SGCZ: variants seen among roughly 807,000 people sequenced by gnomAD.
SGCZ encodes sarcoglycan zeta, also known as zeta-sarcoglycan.
In SGCZ, 40 loss-of-function variants were observed where a neutral mutation model predicts 41.3. The observed-to-expected ratio is 0.97, with a 90% CI of 0.75 to 1.26. SGCZ has a LOEUF of 1.26. Among genes scored for constraint, SGCZ ranks in the 50% most tolerant of loss-of-function variants. The pLI is 0.00. For missense variants in SGCZ, 552 were observed against 369.8 expected (o/e 1.49, Z -4.04); for synonymous variants, 206 against 137.5 (o/e 1.50, Z -3.49).
At chr8:15,224,886 T>A (rs1008445909) in intron 1 of SGCZ, among the ~76,000 whole-genome samples, 8 of 152,184 alleles carry the variant, frequency 5.3e-5, no homozygotes, top group Non-Finnish European at 1.0e-4. Context: ...CTATAAGTTT[T>A]AATTCACCAG....
intron 1 of SGCZ, among the ~76,000 whole-genome samples, chr8:15,185,292 G>C (rs1449089694): frequency 6.6e-6 from 1 of 152,152 alleles, no homozygotes; most frequent in Non-Finnish European, 1.5e-5. Context: ...TTACTAAAGA[G>C]CCAAAGCTCT....
intron 2 of SGCZ, among the ~76,000 whole-genome samples, chr8:14,472,821 T>C (rs1359722599): frequency 6.6e-6 from 1 of 152,160 alleles, no homozygotes; most frequent in Non-Finnish European, 1.5e-5. Context: ...TTTATAAAAA[T>C]GTTTAGTTTT....
At chr8:14,322,841 C>A (rs1428922596) in intron 3 of SGCZ, among the ~76,000 whole-genome samples, 2 of 152,058 alleles carry the variant, frequency 1.3e-5, no homozygotes, top group African/African-American at 4.8e-5. Flanking sequence ...AAATAACTGT[C>A]AAAGATGGTG....
At chr8:14,465,971 T>C (rs1264026267) in intron 2 of SGCZ, among the ~76,000 whole-genome samples, 1 of 151,970 alleles carries the variant, frequency 6.6e-6, no homozygotes, top group Non-Finnish European at 1.5e-5. Flanking sequence ...TCTTAAATCA[T>C]GTACAAAACA....
At chr8:15,098,687 T>C (rs1181163565) in intron 1 of SGCZ, among the ~76,000 whole-genome samples, 3 of 152,220 alleles carry the variant, frequency 2.0e-5, no homozygotes, top group Non-Finnish European at 4.4e-5. Context: ...GTTTAATAAA[T>C]CTTTTCTCTC....
intron 3 of SGCZ, among the ~76,000 whole-genome samples, chr8:14,286,104 A>T (rs973338481): frequency 6.6e-6 from 1 of 151,682 alleles, no homozygotes; most frequent in African/African-American, 2.4e-5. Context: ...ACAGTCCTCA[A>T]ATTGGCTTCC....
intron 1 of SGCZ, among the ~76,000 whole-genome samples, chr8:15,100,043 A>C (rs1315741664): frequency 4.6e-5 from 7 of 152,184 alleles, no homozygotes; most frequent in Non-Finnish European, 8.8e-5. Flanking sequence ...AAACAGTAAC[A>C]AAACAAAGAT....
chr8:15,103,888 A>C (rs888408316), intron 1 of SGCZ, among the ~76,000 whole-genome samples: 1 of 152,208 alleles, frequency 6.6e-6, no homozygotes, highest in Non-Finnish European at 1.5e-5. Context: ...AGCAAATAGA[A>C]AAAGTGTCAA....
intron 1 of SGCZ, among the ~76,000 whole-genome samples, chr8:14,580,234 T>C (rs976361755): frequency 3.9e-5 from 6 of 152,226 alleles, no homozygotes; most frequent in Admixed American, 6.5e-5. Context: ...CTATTACTTT[T>C]GAAACTAGGA....
chr8:14,356,869 T>C (rs1803315794), intron 2 of SGCZ, among the ~76,000 whole-genome samples: 1 of 152,042 alleles, frequency 6.6e-6, no homozygotes. Flanking sequence ...TTGCAATTTG[T>C]TTTTAGATTC....
At chr8:14,838,378 A>C (rs1802778268) in intron 1 of SGCZ, among the ~76,000 whole-genome samples, 1 of 152,168 alleles carries the variant, frequency 6.6e-6, no homozygotes, top group Non-Finnish European at 1.5e-5. Flanking sequence ...GAGATAGCAG[A>C]AGACTCACCT....
At chr8:14,844,541 G>C (rs1047066710) in intron 1 of SGCZ, among the ~76,000 whole-genome samples, 2 of 152,064 alleles carry the variant, frequency 1.3e-5, no homozygotes, top group Admixed American at 6.6e-5. Context: ...AAAATTGTTT[G>C]CCATAGTATG....
intron 3 of SGCZ, among the ~76,000 whole-genome samples, chr8:14,273,239 C>T (rs28476483): frequency 0.29 from 43,824 of 151,892 alleles, 7,481 homozygotes; most frequent in Non-Finnish European, 0.39. Context: ...CATATGTTAG[C>T]CTCTTTATAG....
At chr8:14,982,857 T>C (rs1801714281) in intron 1 of SGCZ, among the ~76,000 whole-genome samples, 1 of 152,244 alleles carries the variant, frequency 6.6e-6, no homozygotes, top group African/African-American at 2.4e-5. Context: ...CAGCAACTGC[T>C]ACTGATCGTT....
At chr8:14,860,708 G>GAGAAAGAAAGAA (rs10532441) in intron 1 of SGCZ, among the ~76,000 whole-genome samples, 7,599 of 132,588 alleles carry the variant, frequency 0.057, 319 homozygotes, top group Admixed American at 0.1. Flanking sequence ...AAGAAAGAAA[G>GAGAAAGAAAGAA]AGAAAGAAAG....
intron 3 of SGCZ, among the ~76,000 whole-genome samples, chr8:14,289,447 A>G (rs1023926547): frequency 5.3e-5 from 8 of 152,074 alleles, no homozygotes; most frequent in South Asian, 2.1e-4. Context: ...CAATTGTTCA[A>G]TATAGTGCAG....
At chr8:15,117,184 C>G (rs1287997637) in intron 1 of SGCZ, among the ~76,000 whole-genome samples, 1 of 151,990 alleles carries the variant, frequency 6.6e-6, no homozygotes, top group East Asian at 1.9e-4. Flanking sequence ...ACGGTGAAAC[C>G]CCGTCTCTAC....
At chr8:14,952,913 G>C (rs1800684878) in intron 1 of SGCZ, among the ~76,000 whole-genome samples, 1 of 152,114 alleles carries the variant, frequency 6.6e-6, no homozygotes, top group South Asian at 2.1e-4. Context: ...GAGGCACTTG[G>C]ATTCAGCTAC....
At chr8:14,625,799 T>A (rs1162073610) in intron 1 of SGCZ, among the ~76,000 whole-genome samples, 1 of 152,146 alleles carries the variant, frequency 6.6e-6, no homozygotes, top group Non-Finnish European at 1.5e-5. Context: ...TCCGACCCCA[T>A]TAGTGACACA....
Sources: allele counts gnomAD v4.1 joint callset (sites outside exome capture counted in the v4.1 genomes callset), GRCh38; gene constraint gnomAD v4.1.1; transcripts MANE v1.5; gene names NCBI Gene and HGNC (gene_info 2026-07-23, HGNC 2026-07-21).